Variants in TEX9 observed in about 807,000 individuals in gnomAD.
TEX9 encodes the protein testis expressed 9.
TEX9 carries 74 observed loss-of-function variants against 59.6 expected under a neutral mutation model. The observed-to-expected ratio is 1.24, with a 90% CI of 1.03 to 1.51. TEX9 has a LOEUF of 1.51. Among genes scored for constraint, TEX9 ranks in the 40% most tolerant of loss-of-function variants. TEX9 has a pLI of 0.00. For synonymous variants in TEX9, 186 were observed against 152.2 expected, an observed-to-expected ratio of 1.22 and a Z score of -1.64; for missense variants, 522 against 447.8, an observed-to-expected ratio of 1.17 and a Z score of -1.49.
At chr15:56,411,711 G>A (rs1332243850) in intron 9 of TEX9, among the ~76,000 whole-genome samples, 1 of 152,126 alleles carries the variant, frequency 6.6e-6, no homozygotes, top group Non-Finnish European at 1.5e-5. Flanking sequence ...GTTTCTTCAG[G>A]TGTTGGCCTG....
exon 11 of TEX9, chr15:56,427,653 A>G: frequency 6.4e-7 from 1 of 1,551,366 alleles, no homozygotes; most frequent in Non-Finnish European, 8.7e-7. Flanking sequence ...AAAATCAGAA[A>G]ACAAGAAGCT....
chr15:56,332,616 T>TAA (rs71110384), intron 1 of TEX9, among the ~76,000 whole-genome samples: 45,861 of 137,996 alleles, frequency 0.33, 7,491 homozygotes, highest in Middle Eastern at 0.47. Context: ...ACTTAAAATA[T>TAA]AAAAAAAAAA....
intron 1 of TEX9, among the ~76,000 whole-genome samples, chr15:56,261,731 A>G (rs891653973): frequency 2.6e-5 from 4 of 152,062 alleles, no homozygotes; most frequent in Non-Finnish European, 5.9e-5. Flanking sequence ...AAAAAAAATT[A>G]TTAACTGTAC....
Position 56,291,881 on chromosome 15 carries a change from C to T in TEX9, c.-107+47603C>T, listed in dbSNP as rs536893464. Among the ~76,000 whole-genome samples the T allele has an allele frequency of 1.2e-4, 18 of 152,270 alleles. No individual in the cohort carries two copies. In the East Asian group the frequency reaches 3.3e-3, roughly 28 times the overall value. On this transcript the variant is annotated intron_variant, in intron 1 of 5. Coordinates refer to the TEX9 transcript ENST00000560827. ...ATAACATGTCCTATAACAAAGGACCCACTTCGTGGCAAAGGAGATGAGGCA... is the reference window on the plus strand; with the variant it reads ...ATAACATGTCCTATAACAAAGGACCTACTTCGTGGCAAAGGAGATGAGGCA...
At chr15:56,452,814 G>A in the TEX9 span, among the ~76,000 whole-genome samples, 3 of 151,964 alleles carry the variant, frequency 2.0e-5, no homozygotes, top group Admixed American at 6.6e-5. Context: ...CACCGCACCC[G>A]GCCTAATCCA....
At position 56,421,123 on chromosome 15, in the gene TEX9, A is replaced by G. The variant is rs75060875; in HGVS notation, c.964-6482A>G. 8.2e-3 allele frequency among the ~76,000 whole-genome samples: 1,248 copies of G among 151,934 alleles called. 42 individuals carry two copies. The highest frequency in any genetic ancestry group is 0.028 in the African/African-American group (1,162 of 41,210). Reference sequence around the variant, plus strand: ...TATTTTCTGTGTCCCTGTTCTATCAATGATCAAGAGAGGGGTACTAAACTC... The same window carrying G: ...TATTTTCTGTGTCCCTGTTCTATCAGTGATCAAGAGAGGGGTACTAAACTC... On this transcript the variant is annotated intron_variant, in intron 10 of 12. Transcript: ENST00000352903.
rs138866589 is a variant in TEX9 at position 56,351,316 on chromosome 15, A to T, written c.-106-22125A>T. Among the ~76,000 whole-genome samples, 3 of 152,224 alleles carry T rather than the reference A, an allele frequency of 2.0e-5. No individual in the cohort carries two copies. In the East Asian group the frequency reaches 5.8e-4, roughly 29 times the overall value. Reference sequence around the variant, plus strand: ...CCTGTCTCAATGAGATAATGAAGTCATGATAGGAAATCATCACTGTTGAAT... The same window carrying T: ...CCTGTCTCAATGAGATAATGAAGTCTTGATAGGAAATCATCACTGTTGAAT... On this transcript the variant is annotated intron_variant, in intron 1 of 5. Coordinates refer to the TEX9 transcript ENST00000560827.
downstream of TEX9, chr15:56,446,814 A>C: frequency 6.5e-7 from 1 of 1,527,882 alleles, no homozygotes. Flanking sequence ...ATGAAGCTAA[A>C]AACATAATGA....
At chr15:56,446,974 G>A (rs1467251215), downstream of TEX9, 7 of 1,481,922 alleles carry the variant, frequency 4.7e-6, no homozygotes, top group Non-Finnish European at 6.5e-6. Flanking sequence ...AAATTTAAAT[G>A]TTAGGACCAT....
At chr15:56,258,877 G>T (rs986943416) in intron 1 of TEX9, among the ~76,000 whole-genome samples, 2 of 149,508 alleles carry the variant, frequency 1.3e-5, no homozygotes, top group Non-Finnish European at 3.0e-5. Flanking sequence ...TATGTTATTT[G>T]TTGGATATAT....
At chr15:56,259,434 A>G (rs2044215330) in intron 1 of TEX9, among the ~76,000 whole-genome samples, 1 of 152,020 alleles carries the variant, frequency 6.6e-6, no homozygotes, top group Non-Finnish European at 1.5e-5. Flanking sequence ...TAATTTTTGT[A>G]GATAGTGTAA....
intron 1 of TEX9, among the ~76,000 whole-genome samples, chr15:56,329,133 T>C (rs534451205): frequency 6.6e-6 from 1 of 152,266 alleles, no homozygotes; most frequent in South Asian, 2.1e-4. Context: ...AACAAGAGTC[T>C]CTGCCTGGTA....
chr15:56,275,766 A>G (rs956815088), intron 1 of TEX9, among the ~76,000 whole-genome samples: 1 of 152,134 alleles, frequency 6.6e-6, no homozygotes, highest in Admixed American at 6.5e-5. Context: ...TACTTTTTCT[A>G]AATTCCTTCA....
At chr15:56,283,170 A>C (rs2044861112) in intron 1 of TEX9, among the ~76,000 whole-genome samples, 1 of 152,068 alleles carries the variant, frequency 6.6e-6, no homozygotes, top group East Asian at 1.9e-4. Flanking sequence ...TTGAAGGGAC[A>C]CAGGGGAAGC....
At chr15:56,268,464 T>C (rs1380650699) in intron 1 of TEX9, among the ~76,000 whole-genome samples, 1 of 152,216 alleles carries the variant, frequency 6.6e-6, no homozygotes, top group Admixed American at 6.5e-5. Flanking sequence ...TGTGGGTTTG[T>C]CGTAAATAGC....
At chr15:56,454,287 A>G in the TEX9 span, among the ~76,000 whole-genome samples, 2 of 152,150 alleles carry the variant, frequency 1.3e-5, no homozygotes, top group Admixed American at 1.3e-4. Flanking sequence ...TAGGCATGCA[A>G]TGCATACTAA....
intron 1 of TEX9, among the ~76,000 whole-genome samples, chr15:56,327,413 T>C (rs1455539663): frequency 1.3e-5 from 2 of 152,160 alleles, no homozygotes; most frequent in Non-Finnish European, 2.9e-5. Context: ...ATAAACAGTA[T>C]GGGAAAGAAT....
chr15:56,429,486 G>A (rs1325879952), intron 12 of TEX9: 3 of 282,464 alleles, frequency 1.1e-5, no homozygotes, highest in African/African-American at 4.6e-5. Context: ...TAGATAGGAA[G>A]GCACTTCATC....
intron 10 of TEX9, among the ~76,000 whole-genome samples, chr15:56,426,589 G>GCATATA (rs2050267179): frequency 4.1e-5 from 1 of 24,306 alleles, no homozygotes; most frequent in Non-Finnish European, 1.7e-4. Flanking sequence ...TTGAAAAGGT[G>GCATATA]TATATATATA....
Sources: allele counts gnomAD v4.1 joint callset (sites outside exome capture counted in the v4.1 genomes callset), GRCh38; gene constraint gnomAD v4.1.1; transcripts MANE v1.5; gene names NCBI Gene and HGNC (gene_info 2026-07-23, HGNC 2026-07-21).